The following MLXIP variants were observed in gnomAD, a reference collection of about 807,000 sequenced individuals.
MLXIP encodes MLX-interacting protein.
In MLXIP, 30 loss-of-function variants were observed where a neutral mutation model predicts 87.2. The observed-to-expected ratio is 0.34, with a 90% CI of 0.26 to 0.47. The LOEUF (loss-of-function observed/expected upper bound fraction) is 0.47, where lower values mean the gene tolerates loss of function less well. Among genes scored for constraint, MLXIP ranks in the 20% least tolerant of loss-of-function variants. The pLI, the probability that MLXIP is intolerant of heterozygous loss-of-function variation, is 1.00. For synonymous variants in MLXIP, 530 were observed against 514.0 expected (o/e 1.03, Z -0.42); for missense variants, 1,002 against 1,240.1 (o/e 0.81, Z 2.88).
At chr12:122,102,550 C>T (rs530432026) in intron 1 of MLXIP, among the ~76,000 whole-genome samples, 2 of 152,216 alleles carry the variant, frequency 1.3e-5, no homozygotes, top group South Asian at 4.1e-4. Context: ...TAGCAATTCC[C>T]TTCCTAAGAA....
At chr12:122,139,736 A>C (rs977189774) in intron 15 of MLXIP, among the ~76,000 whole-genome samples, 3 of 152,162 alleles carry the variant, frequency 2.0e-5, no homozygotes, top group Admixed American at 2.0e-4. Flanking sequence ...GCAGTGGTAC[A>C]ATCACAGTTC....
rs538922358 is a variant in MLXIP, at chr12:122,079,355, G to A, written c.413+89G>A. 2.0e-3 allele frequency: 2,328 copies of A among 1,150,798 alleles called. 5 individuals carry two copies. The highest frequency in any genetic ancestry group is 2.4e-3 in the Non-Finnish European group (1,914 of 801,168). The allele number at this position is 1,150,798 out of a possible 1,614,324, so 71.3% of individuals were successfully genotyped here. The stretch of plus-strand genomic sequence containing the variant: ...GAGGGAAGGGCCGCCTGGCAACCCC[G>A]TGGCTTCATGCATTCCCTTTGGGTC... On this transcript the variant is annotated intron_variant, in intron 1 of 16. Transcript: ENST00000319080.
At position 122,094,876 on chromosome 12, in the gene MLXIP, G is replaced by A. The variant is rs904870858; in HGVS notation, c.413+15610G>A. On this transcript the variant is annotated intron_variant, in intron 1 of 16. Coordinates refer to ENST00000319080, the MANE Select transcript of MLXIP (RefSeq NM_014938.6). ...AGTGTTTCTATGGTGTGGTGTTGGT[G>A]TGTGTGGTACGTATGGGGAGTGTGT... Among the ~76,000 whole-genome samples, 4 of 149,084 alleles carry A rather than the reference G, an allele frequency of 2.7e-5. No individual in the cohort carries two copies. In the East Asian group the frequency reaches 6.1e-4, roughly 23 times the overall value.
At chr12:122,096,189 C>T (rs923102261) in intron 1 of MLXIP, among the ~76,000 whole-genome samples, 8 of 151,510 alleles carry the variant, frequency 5.3e-5, no homozygotes, top group African/African-American at 1.9e-4. Context: ...GCAATCGTCC[C>T]GCCTCAGCCT....
chr12:122,130,207 A>G, intron 6 of MLXIP, 95 bp downstream of exon 6: 2 of 1,291,584 alleles, frequency 1.5e-6, no homozygotes, highest in South Asian at 2.9e-5. Flanking sequence ...GCCATCTCTG[A>G]GCTGCTGCAC....
At chr12:122,120,329 C>A (rs539915551) in intron 1 of MLXIP, among the ~76,000 whole-genome samples, 17 of 152,012 alleles carry the variant, frequency 1.1e-4, no homozygotes, top group Non-Finnish European at 2.4e-4. Flanking sequence ...CTCGAGCAAT[C>A]CTCCCATCTC....
chr12:122,129,846 C>T, intron 5 of MLXIP, 95 bp from the exon 6 acceptor site: 1 of 1,485,470 alleles, frequency 6.7e-7, no homozygotes. Context: ...CCACTGAGCA[C>T]CCCTTTGACG....
Position 122,121,009 on chromosome 12 carries a change from G to GTTTTTTTTTTT in MLXIP, c.414-6247_414-6246insTTTTTTTTTTT, listed in dbSNP as rs776332981. Among the ~76,000 whole-genome samples, 243 of 102,148 alleles carry GTTTTTTTTTTT rather than the reference G, an allele frequency of 2.4e-3. 11 individuals are homozygous for GTTTTTTTTTTT. The highest frequency in any genetic ancestry group is 5.3e-3 in the African/African-American group (131 of 24,894). The allele number at this position is 102,148 out of a possible 152,430, so 67.0% of individuals were successfully genotyped here. ...TAGCCCCAGAGCCCTCTGCATGCTT[G>GTTTTTTTTTTT]GTTTTTTTTTTTTTTTTTTGAAACG... On this transcript the variant is annotated intron_variant, in intron 1 of 16. Transcript: ENST00000319080.
At chr12:122,099,899 C>G (rs1309598812) in intron 1 of MLXIP, among the ~76,000 whole-genome samples, 3 of 152,180 alleles carry the variant, frequency 2.0e-5, no homozygotes, top group African/African-American at 7.2e-5. Context: ...AAGATGGAGA[C>G]TACATTTCCT....
rs770252724 is a variant in MLXIP, at chr12:122,079,253, A to T, written c.400A>T (p.Thr134Ser). 6 of 1,549,866 alleles carry T rather than the reference A, an allele frequency of 3.9e-6. No homozygotes were observed. Among genetic ancestry groups the T allele is most frequent in the Non-Finnish European group, 5.2e-6 (6 of 1,146,224 alleles). ...GCTCACCAAGCTCTTCGAGTGCATGACTTTGGCCTACAGGTAGGGACCCCC... is the reference window on the plus strand; with the variant it reads ...GCTCACCAAGCTCTTCGAGTGCATGTCTTTGGCCTACAGGTAGGGACCCCC... ...ASLTKLFECM[T>S]LAYSGKLVSP... The change falls in exon 1 of 17, where the codon ACT becomes TCT. Residue 134 changes from threonine (T) to serine (S), a missense_variant. Thr to Ser is a moderately conservative substitution (Grantham distance 58, BLOSUM62 1). Around this residue, in one of 3 missense-constraint regions of MLXIP, gnomAD observed 127 missense variants for 239.0 expected, o/e 0.53. Coordinates refer to ENST00000319080, the MANE Select transcript of MLXIP (RefSeq NM_014938.6).
intron 1 of MLXIP, among the ~76,000 whole-genome samples, chr12:122,110,123 T>C (rs559621904): frequency 6.6e-6 from 1 of 152,188 alleles, no homozygotes; most frequent in East Asian, 1.9e-4. Flanking sequence ...CTGAATTATC[T>C]CTTGTCTCAA....
intron 2 of MLXIP, 67 bp from the exon 3 acceptor site, chr12:122,127,816 G>A: frequency 1.5e-6 from 2 of 1,306,706 alleles, no homozygotes; most frequent in Non-Finnish European, 2.2e-6. Flanking sequence ...GAGGGGTGCA[G>A]CAGACAGGCT....
At chr12:122,138,132 A>G in intron 12 of MLXIP, 62 bp from the exon 13 acceptor site, 2 of 1,428,166 alleles carry the variant, frequency 1.4e-6, no homozygotes, top group Non-Finnish European at 9.6e-7. Flanking sequence ...GTAGGGGGTG[A>G]GGAAGGGTGG....
intron 1 of MLXIP, among the ~76,000 whole-genome samples, chr12:122,117,320 T>C (rs1214259780): frequency 6.6e-6 from 1 of 152,252 alleles, no homozygotes; most frequent in Non-Finnish European, 1.5e-5. Flanking sequence ...TGGCCCGACA[T>C]GCACACTGCC....
In MLXIP at chr12:122,127,220, A is replaced by T. The variant is rs778656782; in HGVS notation, c.414-36A>T. On this transcript the variant is annotated intron_variant, in intron 1 of 16. Coordinates refer to ENST00000319080, the MANE Select transcript of MLXIP (RefSeq NM_014938.6). ...TGTAATTTCACTTCAATTTCAGAGTAACCACTGAGTCTCCCCGCTTTGCCT... is the reference window on the plus strand; with the variant it reads ...TGTAATTTCACTTCAATTTCAGAGTTACCACTGAGTCTCCCCGCTTTGCCT... The T allele has an allele frequency of 2.0e-6, 3 of 1,510,582 alleles. No individual in the cohort carries two copies. The South Asian group carries it at 3.4e-5, about 17-fold the overall frequency. 93.6% of individuals were successfully genotyped at this position (1,510,582 alleles called of 1,614,324 possible).
chr12:122,112,190 G>A (rs868389909), intron 1 of MLXIP, among the ~76,000 whole-genome samples: 4 of 152,182 alleles, frequency 2.6e-5, no homozygotes, highest in African/African-American at 7.2e-5. Flanking sequence ...TATAGGTGAA[G>A]ATGCAACATA....
rs1953040181 is a variant in MLXIP at position 122,134,207 on chromosome 12, T to A, written c.1732+220T>A. The A allele has an allele frequency of 6.8e-6, 4 of 586,814 alleles. No individual in the cohort carries two copies. In the South Asian group the frequency reaches 1.2e-4, roughly 17 times the overall value. 36.4% of individuals were successfully genotyped at this position (586,814 alleles called of 1,614,324 possible). A position where few individuals can be genotyped will look rare whatever the true frequency, so the allele number is the denominator to read the frequency against. On this transcript the variant is annotated intron_variant, in intron 9 of 16. Transcript: ENST00000319080. ...TATCTTTTTTGTTTTTTTGTTTGGT[T>A]TTTTTTTTTTTGAGACAGTCTCTGT...
Position 122,135,793 on chromosome 12 carries a change from TG to T in MLXIP, c.2032+128del, listed in dbSNP as rs1257230822. The T allele has an allele frequency of 8.7e-7, 1 of 1,143,060 alleles. No homozygotes were observed. Among genetic ancestry groups the T allele is most frequent in the East Asian group, 2.8e-5 (1 of 35,818 alleles). The allele number at this position is 1,143,060 out of a possible 1,614,324, so 70.8% of individuals were successfully genotyped here. A position where few individuals can be genotyped will look rare whatever the true frequency, so the allele number is the denominator to read the frequency against. On this transcript the variant is annotated intron_variant, in intron 11 of 16. Coordinates refer to ENST00000319080, the MANE Select transcript of MLXIP (RefSeq NM_014938.6). This position sits in a 1 kb window ranked among gnomAD's most constrained non-coding sequence, Gnocchi z 5.3. ...GGGCTTAGGACACACAGTGAGGTCT[TG>T]TAGGCCTGCTGATAACACAGTCTGG... is the stretch of plus-strand genomic sequence containing the variant.
At chr12:122,096,421 C>T (rs1952353177) in intron 1 of MLXIP, among the ~76,000 whole-genome samples, 1 of 152,070 alleles carries the variant, frequency 6.6e-6, no homozygotes, top group Non-Finnish European at 1.5e-5. Flanking sequence ...GCTACTTTCT[C>T]TGAAAATGTC....
Sources: allele counts gnomAD v4.1 joint callset (sites outside exome capture counted in the v4.1 genomes callset), GRCh38; gene constraint gnomAD v4.1.1; regional missense constraint gnomAD v4.1.1; non-coding constraint Gnocchi (gnomAD v3.1); transcripts MANE v1.5; gene names NCBI Gene and HGNC (gene_info 2026-07-23, HGNC 2026-07-21).